GNPTG: variants seen among roughly 807,000 people sequenced by gnomAD.
GNPTG encodes the protein N-acetylglucosamine-1-phosphotransferase subunit gamma.
A neutral mutation model predicts 43.8 loss-of-function variants in GNPTG; 46 were observed. The observed-to-expected ratio is 1.05, with a 90% CI of 0.83 to 1.34. The LOEUF (loss-of-function observed/expected upper bound fraction) is 1.34, where lower values mean the gene tolerates loss of function less well. Ranked by LOEUF, GNPTG falls within the 40% of genes most tolerant of loss-of-function variation. The probability of loss-of-function intolerance (pLI) is 0.00; values close to 1 mark genes in which losing one functional copy is unlikely to be tolerated. For synonymous variants in GNPTG, 250 were observed against 172.8 expected, an observed-to-expected ratio of 1.45 and a Z score of -3.50; for missense variants, 549 against 411.3, an observed-to-expected ratio of 1.33 and a Z score of -2.90.
At chr16:1,354,351 C>T (rs1028741669) in intron 3 of GNPTG, among the ~76,000 whole-genome samples, 2 of 151,738 alleles carry the variant, frequency 1.3e-5, no homozygotes, top group Admixed American at 6.6e-5. Context: ...TGAGGTGTGA[C>T]GATCGCTTGA....
rs759248626 is a variant in GNPTG, at chr16:1,362,473, C to T, written c.548C>T (p.Ala183Val). 2.0e-5 allele frequency: 33 copies of T among 1,613,962 alleles called. No homozygotes were observed. The Admixed American group carries it at 3.5e-4, about 17-fold the overall frequency. Residue 183 changes from alanine to valine, a missense_variant, in exon 8 of 11, where the codon GCC becomes GTC. Physicochemically the swap from Ala to Val is moderately conservative, Grantham distance 64. Transcript: ENST00000204679. ...TCAGTGTACCCAACCCTGCCAGAGG[C>T]CCTGCAGCGGCAGTGGGACCAGGTA... ...ALLVYPTLPEALQRQWDQVEQ... is the reference protein window; with the variant it reads ...ALLVYPTLPEVLQRQWDQVEQ...
intron 3 of GNPTG, among the ~76,000 whole-genome samples, chr16:1,354,699 T>G (rs1267478266): frequency 6.6e-6 from 1 of 152,040 alleles, no homozygotes; most frequent in Non-Finnish European, 1.5e-5. Flanking sequence ...TGCATTTGGT[T>G]CATTATGTGT....
At chr16:1,355,653 G>A (rs1029023213) in intron 3 of GNPTG, among the ~76,000 whole-genome samples, 1 of 152,072 alleles carries the variant, frequency 6.6e-6, no homozygotes, top group Non-Finnish European at 1.5e-5. Flanking sequence ...GCGCCCAGCA[G>A]AGTCCAGCAT....
At chr16:1,354,070 CGCACCTGG>C (rs2034730435) in intron 3 of GNPTG, among the ~76,000 whole-genome samples, 1 of 152,096 alleles carries the variant, frequency 6.6e-6, no homozygotes, top group South Asian at 2.1e-4. Context: ...GGCGTGATGG[CGCACCTGG>C]GGTTAGGCTC....
At position 1,362,725 on chromosome 16, in the gene GNPTG, C is replaced by G; in HGVS notation, c.724C>G (p.Leu242Val). The G allele has an allele frequency of 6.2e-7, 1 of 1,614,058 alleles. No homozygotes were observed. The highest frequency in any genetic ancestry group is 1.1e-5 in the South Asian group (1 of 91,086). The change falls in exon 9 of 11, where the codon CTG becomes GTG. Residue 242 changes from leucine to valine, a missense_variant. Leu to Val is a conservative substitution (Grantham distance 32). Transcript: ENST00000204679. ...GGPDSLGFET[L>V]ENCRKAHKEL... ...TCCTGACAGCTTGGGGTTTGAGACC[C>G]TGGAAAACTGCAGGAAGGTACCGTA...
At chr16:1,352,469 C>A in intron 3 of GNPTG, 163 bp downstream of exon 3, 1 of 746,038 alleles carries the variant, frequency 1.3e-6, no homozygotes. Flanking sequence ...CCAGAACGTT[C>A]TTGTAGCGAA....
At chr16:1,352,603 AT>A (rs2034704372) in intron 3 of GNPTG, 1 of 433,612 alleles carries the variant, frequency 2.3e-6, no homozygotes, top group Non-Finnish European at 4.2e-6. Flanking sequence ...TGGAAAACGT[AT>A]AGTTTTTGTA....
At chr16:1,357,742 T>A in intron 3 of GNPTG, 1 of 153,520 alleles carries the variant, frequency 6.5e-6, no homozygotes, top group Non-Finnish European at 1.5e-5. Flanking sequence ...CTCGATCTCC[T>A]GACCTCGTGA....
chr16:1,352,580 G>C (rs564858429), intron 3 of GNPTG: 1 of 504,146 alleles, frequency 2.0e-6, no homozygotes, highest in Non-Finnish European at 3.6e-6. Flanking sequence ...TTTTACGTGC[G>C]TGTCTATGCA....
intron 7 of GNPTG, 40 bp from the exon 8 acceptor site, chr16:1,362,412 C>T: frequency 6.2e-7 from 1 of 1,611,776 alleles, no homozygotes; most frequent in Non-Finnish European, 8.5e-7. Context: ...AGGGTTGGGA[C>T]ATGGGGTGCA....
At chr16:1,359,275 T>C (rs1433535464) in intron 3 of GNPTG, among the ~76,000 whole-genome samples, 1 of 149,756 alleles carries the variant, frequency 6.7e-6, no homozygotes, top group African/African-American at 2.4e-5. Context: ...GATGGGTTTG[T>C]TTTTTTTTCC....
At position 1,352,067 on chromosome 16, in the gene GNPTG, C is replaced by T; in HGVS notation, c.53-35C>T. On this transcript the variant is annotated intron_variant, in intron 1 of 10. Transcript: ENST00000204679. ...CCCAGGCCCCGCGCGCGCTCTGCAC[C>T]CCGGCCTCCCCGCTCACGGTCTCGC... 5 of 1,541,230 alleles carry T rather than the reference C, an allele frequency of 3.2e-6. No homozygotes were observed. In the South Asian group the frequency reaches 4.8e-5, roughly 15 times the overall value.
intron 3 of GNPTG, among the ~76,000 whole-genome samples, chr16:1,353,065 G>A (rs1044130257): frequency 6.6e-5 from 10 of 151,212 alleles, no homozygotes; most frequent in African/African-American, 2.2e-4. Flanking sequence ...CGCCTCCCAG[G>A]TTCAAGCGAT....
Position 1,351,951 on chromosome 16 carries a change from G to T in GNPTG, c.-15G>T. On this transcript the variant is annotated 5_prime_UTR_variant, in exon 1 of 11. Transcript: ENST00000204679. ...CCGTCACTTCACGTGACCGCGCGGCGGCCGCTGCGGCGCGATGGCGGCGGG... is the reference window on the plus strand; with the variant it reads ...CCGTCACTTCACGTGACCGCGCGGCTGCCGCTGCGGCGCGATGGCGGCGGG... The T allele has an allele frequency of 7.8e-7, 1 of 1,281,904 alleles. No individual in the cohort carries two copies. The highest frequency in any genetic ancestry group is 9.8e-7 in the Non-Finnish European group (1 of 1,020,960). 79.4% of individuals were successfully genotyped at this position (1,281,904 alleles called of 1,614,324 possible). A position where few individuals can be genotyped will look rare whatever the true frequency, so the allele number is the denominator to read the frequency against.
intron 4 of GNPTG, 29 bp from the exon 5 acceptor site, chr16:1,361,843 G>C: frequency 6.2e-7 from 1 of 1,613,914 alleles, no homozygotes; most frequent in Non-Finnish European, 8.5e-7. Context: ...GCAGCCTGCG[G>C]ACCCCCCTCA....
At chr16:1,361,573 G>A (rs2034877068) in intron 3 of GNPTG, 170 bp from the exon 4 acceptor site, 5 of 680,394 alleles carry the variant, frequency 7.3e-6, no homozygotes, top group Non-Finnish European at 1.3e-5. Flanking sequence ...GAACATGGGA[G>A]GCGGAGCTTG....
At chr16:1,362,945 C>T (rs1278156257) in intron 10 of GNPTG, 39 bp downstream of exon 10, 2 of 1,613,694 alleles carry the variant, frequency 1.2e-6, no homozygotes, top group Non-Finnish European at 1.7e-6. Context: ...CTCACCATCA[C>T]ACTCGCCACC....
At chr16:1,362,012 C>T in intron 5 of GNPTG, 26 bp from the exon 6 acceptor site, 2 of 1,612,862 alleles carry the variant, frequency 1.2e-6, no homozygotes, top group South Asian at 1.1e-5. Flanking sequence ...CACCCGGCCT[C>T]ACGTGCCGTG....
chr16:1,353,385 G>A (rs2034719034), intron 3 of GNPTG, among the ~76,000 whole-genome samples: 1 of 152,178 alleles, frequency 6.6e-6, no homozygotes, highest in Non-Finnish European at 1.5e-5. Flanking sequence ...CAGTCTAATG[G>A]GGAGGGATGG....
Sources: allele counts gnomAD v4.1 joint callset (sites outside exome capture counted in the v4.1 genomes callset), GRCh38; gene constraint gnomAD v4.1.1; transcripts MANE v1.5; gene names NCBI Gene and HGNC (gene_info 2026-07-23, HGNC 2026-07-21).